Variants in BTG3 observed in about 807,000 individuals in gnomAD.
The protein encoded by BTG3 is protein BTG3.
Under a neutral mutation model 25.8 loss-of-function variants are expected in BTG3, and 4 were observed. The observed-to-expected ratio is 0.16, with a 90% CI of 0.08 to 0.36. The LOEUF is 0.36. Ranked by LOEUF, BTG3 falls within the 10% of genes least tolerant of loss-of-function variation. The probability of loss-of-function intolerance (pLI) is 1.00; values close to 1 mark genes in which losing one functional copy is unlikely to be tolerated. For synonymous variants in BTG3, 107 were observed against 99.9 expected (o/e 1.07, Z -0.42); for missense variants, 201 against 304.9 (o/e 0.66, Z 2.54).
Position 17,594,333 on chromosome 21 carries a change from C to T in BTG3, c.520-1G>A. 1 of 1,612,268 alleles carries T rather than the reference C, an allele frequency of 6.2e-7. No individual in the cohort carries two copies. The highest frequency in any genetic ancestry group is 1.3e-5 in the African/African-American group (1 of 74,908). On this transcript the variant is annotated splice_acceptor_variant, in intron 4 of 4. Transcript: ENST00000348354. LOFTEE classifies it high-confidence loss of function. ...GAGGTGGAAATATAAGTTCTGAAAT[C>T]TGTAGGGAAGAGAACACATTAAGTT...
intron 2 of BTG3, 43 bp downstream of exon 2, chr21:17,608,929 C>T (rs2061682706): frequency 5.7e-6 from 9 of 1,581,876 alleles, no homozygotes; most frequent in Non-Finnish European, 7.7e-6. Flanking sequence ...GAACCCACCT[C>T]AGGGGTTGAT....
chr21:17,603,539 C>A (rs754502911), intron 3 of BTG3, among the ~76,000 whole-genome samples: 2 of 152,168 alleles, frequency 1.3e-5, no homozygotes, highest in Non-Finnish European at 2.9e-5. Flanking sequence ...TTGCTGGAAT[C>A]AGGTCAGTCT....
At chr21:17,598,552 G>GACT in intron 4 of BTG3, 65 bp downstream of exon 4, 1 of 1,373,980 alleles carries the variant, frequency 7.3e-7, no homozygotes, top group Non-Finnish European at 1.0e-6. Context: ...TGCCAAGTAG[G>GACT]ACTACCTGAA....
At chr21:17,602,132 G>A (rs7281633) in intron 3 of BTG3, among the ~76,000 whole-genome samples, 12,716 of 151,640 alleles carry the variant, frequency 0.084, 642 homozygotes, top group African/African-American at 0.12. Context: ...ACTCTATTGG[G>A]GGAAAAAAAG....
chr21:17,605,774 G>A (rs1452128529), intron 2 of BTG3, among the ~76,000 whole-genome samples: 1 of 152,064 alleles, frequency 6.6e-6, no homozygotes, highest in Non-Finnish European at 1.5e-5. Context: ...GATTAAGTAG[G>A]GAAATAGGGC....
intron 4 of BTG3, among the ~76,000 whole-genome samples, chr21:17,596,035 C>T (rs2061499666): frequency 6.6e-6 from 1 of 152,060 alleles, no homozygotes; most frequent in South Asian, 2.1e-4. Context: ...AGGCCATTCA[C>T]ATAACTCCTT....
chr21:17,602,750 C>T (rs1023776633), intron 3 of BTG3, among the ~76,000 whole-genome samples: 25 of 152,164 alleles, frequency 1.6e-4, no homozygotes, highest in African/African-American at 5.5e-4. Context: ...TCCTACCAGG[C>T]ATCATCAAGT....
Position 17,598,719 on chromosome 21 carries a change from G to C in BTG3, c.417C>G (p.Thr139=), listed in dbSNP as rs1284307390. The C allele has an allele frequency of 6.2e-7, 1 of 1,614,010 alleles. No individual in the cohort carries two copies. The highest frequency in any genetic ancestry group is 1.7e-5 in the Admixed American group (1 of 60,016). Residue 139 remains threonine, a synonymous_variant, in exon 4 of 5, where the codon ACC becomes ACG. Coordinates refer to ENST00000348354, the MANE Select transcript of BTG3 (RefSeq NM_006806.5). ...AAGAGGATCCTGAATGATAATCAGA[G>C]GTAACCTTATCAAGGGCCCTGGTAA... The part of the protein sequence containing the change: ...RKVTRALDKV[T]SDYHSGSSSS...
intron 4 of BTG3, among the ~76,000 whole-genome samples, chr21:17,594,956 C>T (rs117320239): frequency 3.3e-5 from 5 of 151,478 alleles, no homozygotes; most frequent in Non-Finnish European, 5.9e-5. Context: ...CACATGTTTA[C>T]CTATGGAACA....
At chr21:17,608,196 T>C (rs1377977988) in intron 2 of BTG3, among the ~76,000 whole-genome samples, 2 of 151,992 alleles carry the variant, frequency 1.3e-5, no homozygotes, top group Non-Finnish European at 2.9e-5. Context: ...CAAGATCCCA[T>C]CTATACAAAA....
In BTG3 at chr21:17,609,010, G is replaced by A; in HGVS notation, c.135C>T (p.His45=). ...CTTTCGATGGTTTTTCTGGATACCA[G>A]TGATTTTTATATTTTTCTTGAAGTA... ...TLILQEKYKN[H]WYPEKPSKGQ... is the part of the protein sequence containing the mutation. The change falls in exon 2 of 5, where the codon CAC becomes CAT. Residue 45 remains histidine, a synonymous_variant. Transcript: ENST00000348354. The A allele has an allele frequency of 6.2e-7, 1 of 1,613,774 alleles. No individual in the cohort carries two copies. Among genetic ancestry groups the A allele is most frequent in the South Asian group, 1.1e-5 (1 of 90,964 alleles).
intron 3 of BTG3, among the ~76,000 whole-genome samples, chr21:17,600,836 C>A (rs1467019081): frequency 6.6e-6 from 1 of 152,106 alleles, no homozygotes; most frequent in African/African-American, 2.4e-5. Flanking sequence ...TACATAACTT[C>A]GCTTTTGTAT....
At chr21:17,597,351 T>A (rs1331807319) in intron 4 of BTG3, among the ~76,000 whole-genome samples, 2 of 152,022 alleles carry the variant, frequency 1.3e-5, no homozygotes, top group Admixed American at 6.6e-5. Context: ...GAAAATTCAA[T>A]ATACCTAATT....
chr21:17,599,591 T>C (rs1280273566), intron 3 of BTG3, among the ~76,000 whole-genome samples: 1 of 151,460 alleles, frequency 6.6e-6, no homozygotes, highest in Non-Finnish European at 1.5e-5. Flanking sequence ...GTGATTCTCC[T>C]GCCTCAGCCT....
chr21:17,595,110 G>A (rs1569171097), intron 4 of BTG3, among the ~76,000 whole-genome samples: 1 of 151,882 alleles, frequency 6.6e-6, no homozygotes, highest in Non-Finnish European at 1.5e-5. Context: ...AAGCTCCCCA[G>A]GTGATTCTGA....
At chr21:17,594,401 T>C (rs2061476835) in intron 4 of BTG3, 69 bp from the exon 5 acceptor site, 11 of 1,496,784 alleles carry the variant, frequency 7.3e-6, no homozygotes, top group South Asian at 3.8e-5. Flanking sequence ...AGATTTCTCA[T>C]TAAAGACAAA....
chr21:17,607,954 A>G lies in BTG3; in HGVS notation c.173+1018T>C, dbSNP rs3792566. 6.3e-3 allele frequency among the ~76,000 whole-genome samples: 958 copies of G among 152,336 alleles called. 56 individuals carry two copies. The East Asian group carries it at 0.13, about 21-fold the overall frequency. On this transcript the variant is annotated intron_variant, in intron 2 of 4. Transcript: ENST00000348354. ...AAGCTGTAAATGTACCTTATACAGC[A>G]GAGTACAAAAGACAGCTCCAAGTGA...
intron 3 of BTG3, among the ~76,000 whole-genome samples, chr21:17,600,057 A>C (rs975464149): frequency 6.6e-6 from 1 of 152,040 alleles, no homozygotes; most frequent in Admixed American, 6.5e-5. Flanking sequence ...AGATGAAAAA[A>C]TCTTGTTATT....
At chr21:17,602,789 C>G (rs75228577) in intron 3 of BTG3, among the ~76,000 whole-genome samples, 2 of 152,076 alleles carry the variant, frequency 1.3e-5, no homozygotes, top group African/African-American at 4.8e-5. Context: ...GTAGAATGTC[C>G]GTATAACTAA....
Sources: allele counts gnomAD v4.1 joint callset (sites outside exome capture counted in the v4.1 genomes callset), GRCh38; gene constraint gnomAD v4.1.1; transcripts MANE v1.5; gene names NCBI Gene and HGNC (gene_info 2026-07-23, HGNC 2026-07-21).